Variants in RHPN1 observed in about 807,000 individuals in gnomAD.
The protein encoded by RHPN1 is rhophilin-1.
A neutral mutation model predicts 74.7 loss-of-function variants in RHPN1; 77 were observed. The ratio of observed to expected loss-of-function variants is 1.03; its 90% CI spans 0.86 to 1.25. The LOEUF is 1.25. Ranked by LOEUF, RHPN1 falls within the 50% of genes most tolerant of loss-of-function variation. The pLI, the probability that RHPN1 is intolerant of heterozygous loss-of-function variation, is 0.00. For missense variants in RHPN1, 987 were observed against 932.2 expected, an observed-to-expected ratio of 1.06 and a Z score of -0.77; for synonymous variants, 444 against 414.5, an observed-to-expected ratio of 1.07 and a Z score of -0.87.
chr8:143,382,504 G>T lies in RHPN1; in HGVS notation c.1866G>T (p.Lys622Asn). The change falls in exon 15 of 15, where the codon AAG becomes AAT. Residue 622 changes from lysine (K) to asparagine (N), a missense_variant. Physicochemically the swap from Lys to Asn is moderately conservative, Grantham distance 94. Coordinates refer to ENST00000289013, the MANE Select transcript of RHPN1 (RefSeq NM_052924.3). ...LLRSQREHGC[K>N]TPASTWASPR... Reference sequence around the variant, plus strand: ...GGAGCCAGAGGGAGCATGGTTGCAAGACCCCGGCATCCACGTGGGCCAGTC... The same window carrying T: ...GGAGCCAGAGGGAGCATGGTTGCAATACCCCGGCATCCACGTGGGCCAGTC... 1 of 1,607,732 alleles carries T rather than the reference G, an allele frequency of 6.2e-7. No individual in the cohort carries two copies. The highest frequency in any genetic ancestry group is 8.5e-7 in the Non-Finnish European group (1 of 1,177,842).
Position 143,369,051 on chromosome 8 carries a change from C to A in RHPN1, c.60+4C>A, listed in dbSNP as rs1817657920. 6.7e-7 allele frequency: 1 copy of A among 1,484,552 alleles called. No homozygotes were observed. Among genetic ancestry groups the A allele is most frequent in the Non-Finnish European group, 8.9e-7 (1 of 1,124,614 alleles). 92.0% of individuals were successfully genotyped at this position (1,484,552 alleles called of 1,614,324 possible). On this transcript the variant is annotated splice_donor_region_variant and intron_variant, in intron 1 of 14. Transcript: ENST00000289013. ...CGAGGAGAGCCCGCGGCTGCAGGTG[C>A]GCAGAACTGGCGCGGCGGCGGGAGG...
At position 143,380,184 on chromosome 8, in the gene RHPN1, C is replaced by G. The variant is rs1007163771; in HGVS notation, c.1216+9C>G. 6.6e-7 allele frequency: 1 copy of G among 1,525,082 alleles called. No homozygotes were observed. The allele number at this position is 1,525,082 out of a possible 1,614,324, so 94.5% of individuals were successfully genotyped here. ...GGAGCGCAGGCAGCTTGGTAAGGCG[C>G]CCATGGGTGGAGTGCCCTGGGGCTC... On this transcript the variant is annotated intron_variant, in intron 10 of 14. Coordinates refer to ENST00000289013, the MANE Select transcript of RHPN1 (RefSeq NM_052924.3).
Position 143,381,982 on chromosome 8 carries a change from G to A in RHPN1, c.1797+14G>A, listed in dbSNP as rs772170527. On this transcript the variant is annotated intron_variant, in intron 14 of 14. Coordinates refer to ENST00000289013, the MANE Select transcript of RHPN1 (RefSeq NM_052924.3). ...CTGCCCAGCTTGGTGAGCCCCTGGGGCCCCAGAGGGGCGGTCCCCAGCTTG... is the reference window on the plus strand; with the variant it reads ...CTGCCCAGCTTGGTGAGCCCCTGGGACCCCAGAGGGGCGGTCCCCAGCTTG... 4 of 1,563,506 alleles carry A rather than the reference G, an allele frequency of 2.6e-6. No homozygotes were observed. The highest frequency in any genetic ancestry group is 3.7e-5 in the Admixed American group (2 of 54,410).
chr8:143,376,505 A>C lies in RHPN1; in HGVS notation c.177-20A>C, dbSNP rs536630046. The C allele has an allele frequency of 1.9e-5, 30 of 1,610,912 alleles. No individual in the cohort carries two copies. In the African/African-American group the frequency reaches 2.5e-4, roughly 14 times the overall value. ...GCTCTGCCTTGGGGCTGGGCTTTCA[A>C]CTGCCGCGGCCTCCCTCAGAGCCAC... On this transcript the variant is annotated intron_variant, in intron 2 of 14. Coordinates refer to ENST00000289013, the MANE Select transcript of RHPN1 (RefSeq NM_052924.3).
At chr8:143,365,632 G>A (rs1206149360), upstream of RHPN1, among the ~76,000 whole-genome samples, 1 of 152,192 alleles carries the variant, frequency 6.6e-6, no homozygotes, top group Admixed American at 6.5e-5. Flanking sequence ...CTGCCCATCT[G>A]GAAAATCTGC....
chr8:143,381,438 G>A, intron 12 of RHPN1, 94 bp downstream of exon 12: 1 of 1,451,188 alleles, frequency 6.9e-7, no homozygotes, highest in Non-Finnish European at 9.3e-7. Context: ...CATTGATGGT[G>A]GTCCAGCCCT....
intron 11 of RHPN1, 82 bp downstream of exon 11, chr8:143,380,865 C>A: frequency 8.8e-7 from 1 of 1,131,518 alleles, no homozygotes; most frequent in Non-Finnish European, 1.2e-6. Context: ...AGGCTGATTG[C>A]ATTAAAGATG....
chr8:143,377,496 C>G (rs1242148531), intron 4 of RHPN1, 41 bp downstream of exon 4: 1 of 1,488,500 alleles, frequency 6.7e-7, no homozygotes, highest in Non-Finnish European at 9.3e-7. Flanking sequence ...ACGGCCCTGC[C>G]CTGGGACCAA....
At chr8:143,371,460 G>A (rs925372386) in intron 1 of RHPN1, among the ~76,000 whole-genome samples, 1 of 152,082 alleles carries the variant, frequency 6.6e-6, no homozygotes, top group African/African-American at 2.4e-5. Context: ...GGGACTGCCT[G>A]GCCCAGGGCC....
intron 3 of RHPN1, among the ~76,000 whole-genome samples, chr8:143,376,862 G>GTATA (rs1358416720): frequency 0.038 from 56 of 1,456 alleles, no homozygotes; most frequent in Admixed American, 0.058. Context: ...GTGTGTCTCT[G>GTATA]TGTGTATATG....
rs34746679 is a variant in RHPN1 at position 143,381,903 on chromosome 8, G to A, written c.1732G>A (p.Ala578Thr). ...HAEVVTELKA[A>T]GEAGASLQVV... ...GGAGGTGGTGACGGAGCTGAAGGCT[G>A]CGGGAGAGGCGGGCGCCAGCCTGCA... The change falls in exon 14 of 15, where the codon GCG becomes ACG. Residue 578 changes from alanine to threonine, a missense_variant. Coordinates refer to ENST00000289013, the MANE Select transcript of RHPN1 (RefSeq NM_052924.3). 1.3e-3 allele frequency: 2,087 copies of A among 1,611,534 alleles called. 37 individuals are homozygous for A. The African/African-American group carries it at 0.024, about 19-fold the overall frequency.
In RHPN1 at chr8:143,378,784, T is replaced by G; in HGVS notation, c.548T>G (p.Leu183Arg). 1 of 1,568,798 alleles carries G rather than the reference T, an allele frequency of 6.4e-7. No homozygotes were observed. The highest frequency in any genetic ancestry group is 8.6e-7 in the Non-Finnish European group (1 of 1,157,330). The change falls in exon 6 of 15, where the codon CTC (leucine) becomes CGC (arginine). Residue 183 changes from leucine (L) to arginine (R), a missense_variant. By Grantham distance (102) the Leu-to-Arg change is moderately radical. Coordinates refer to ENST00000289013, the MANE Select transcript of RHPN1 (RefSeq NM_052924.3). ...NQLCFLDARF[L>R]TPARSLGLFF... ...CTGTGCTTCCTGGATGCGCGCTTCCTCACCCCTGCCAGGAGCCTCGGGCTC... is the reference window on the plus strand; with the variant it reads ...CTGTGCTTCCTGGATGCGCGCTTCCGCACCCCTGCCAGGAGCCTCGGGCTC...
At chr8:143,375,516 C>T (rs772636931) in intron 1 of RHPN1, 37 bp from the exon 2 acceptor site, 16 of 1,468,718 alleles carry the variant, frequency 1.1e-5, no homozygotes, top group South Asian at 3.9e-5. Flanking sequence ...GCGGGCGCCA[C>T]GGGGTCGGGC....
At chr8:143,374,215 G>T in intron 1 of RHPN1, 3 of 985,468 alleles carry the variant, frequency 3.0e-6, no homozygotes, top group Non-Finnish European at 2.4e-6. Context: ...TGTGTGCGTG[G>T]AGAGGGTGTC....
intron 4 of RHPN1, 101 bp from the exon 5 acceptor site, chr8:143,378,168 C>T: frequency 1.0e-6 from 1 of 995,338 alleles, no homozygotes; most frequent in Non-Finnish European, 1.5e-6. Flanking sequence ...GGCACAGACC[C>T]TCCCTCCACC....
intron 4 of RHPN1, 146 bp downstream of exon 4, chr8:143,377,601 C>A: frequency 1.6e-6 from 1 of 622,164 alleles, no homozygotes; most frequent in Non-Finnish European, 2.8e-6. Context: ...ACGCAAGGGA[C>A]CTGGCAGAAA....
At position 143,379,050 on chromosome 8, in the gene RHPN1, C is replaced by T. The variant is rs985784607; in HGVS notation, c.723C>T (p.Arg241=). 272 of 1,537,754 alleles carry T rather than the reference C, an allele frequency of 1.8e-4. 1 individual carries two copies. The highest frequency in any genetic ancestry group is 5.6e-4 in the Admixed American group (28 of 49,852). ...GCTCCTGCACCGAGGGTGCCCGCCG[C>T]GCTATGGAGGCCTTCCAGAGGGCCG... is the stretch of plus-strand genomic sequence containing the variant. The part of the protein sequence containing the change: ...QDRSCTEGAR[R]AMEAFQRAAG... Residue 241 remains arginine, a synonymous_variant, in exon 7 of 15, where the codon CGC becomes CGT. Coordinates refer to ENST00000289013, the MANE Select transcript of RHPN1 (RefSeq NM_052924.3).
intron 1 of RHPN1, among the ~76,000 whole-genome samples, chr8:143,371,663 C>G (rs947382650): frequency 1.3e-5 from 2 of 152,240 alleles, no homozygotes; most frequent in African/African-American, 2.4e-5. Context: ...TGTTCTTCGT[C>G]CCTCTCCATC....
In RHPN1 at chr8:143,380,049, C is replaced by T. The variant is rs1313584806; in HGVS notation, c.1103-13C>T. On this transcript the variant is annotated splice_polypyrimidine_tract_variant and intron_variant, in intron 9 of 14. Coordinates refer to ENST00000289013, the MANE Select transcript of RHPN1 (RefSeq NM_052924.3). ...CCCCCCCGCGCAGGGCTCACAGCCTCTCTGTCCCCCAGCAGCGACCGAGGG... is the reference window on the plus strand; with the variant it reads ...CCCCCCCGCGCAGGGCTCACAGCCTTTCTGTCCCCCAGCAGCGACCGAGGG... The T allele has an allele frequency of 1.3e-6, 2 of 1,545,642 alleles. No homozygotes were observed. The highest frequency in any genetic ancestry group is 1.7e-6 in the Non-Finnish European group (2 of 1,144,934).
Sources: gnomAD v4.1 joint callset for allele counts (sites outside exome capture counted in the v4.1 genomes callset) on GRCh38, gnomAD v4.1.1 for gene constraint, MANE v1.5 for transcripts, NCBI Gene and HGNC (gene_info 2026-07-23, HGNC 2026-07-21) for gene names.